Variants in MRC2 observed in about 807,000 individuals in gnomAD.
MRC2 encodes C-type mannose receptor 2.
In MRC2, 84 loss-of-function variants were observed where a neutral mutation model predicts 206.2. The observed-to-expected ratio is 0.41, with a 90% confidence interval of 0.34 to 0.49. The LOEUF is 0.49. Among genes scored for constraint, MRC2 ranks in the 20% least tolerant of loss-of-function variants. The probability of loss-of-function intolerance (pLI) is 0.31; values close to 1 mark genes in which losing one functional copy is unlikely to be tolerated. For synonymous variants in MRC2, 798 were observed against 800.0 expected (o/e 1.00, Z 0.04); for missense variants, 1,676 against 2,001.5 (o/e 0.84, Z 3.10).
intron 1 of MRC2, among the ~76,000 whole-genome samples, chr17:62,643,316 T>A (rs1598969177): frequency 7.2e-5 from 7 of 97,436 alleles, no homozygotes; most frequent in South Asian, 3.5e-4. Context: ...TGACAAAGAG[T>A]GAAACTCCGT....
intron 1 of MRC2, among the ~76,000 whole-genome samples, chr17:62,645,021 G>T (rs141327506): frequency 0.012 from 1,753 of 152,228 alleles, 22 homozygotes; most frequent in Middle Eastern, 0.034. Flanking sequence ...AAAAACAACA[G>T]GACACAAAAT....
intron 1 of MRC2, among the ~76,000 whole-genome samples, chr17:62,628,379 A>G (rs368670642): frequency 1.3e-5 from 2 of 151,618 alleles, no homozygotes; most frequent in Admixed American, 6.6e-5. Context: ...CTTTCCAACT[A>G]TCCGCGAGGG....
chr17:62,681,262 C>A (rs924691961), intron 18 of MRC2, 133 bp downstream of exon 18: 4 of 1,001,782 alleles, frequency 4.0e-6, no homozygotes, highest in Non-Finnish European at 5.8e-6. Flanking sequence ...AGATACTTAA[C>A]CTTTCTGGGC....
chr17:62,683,016 C>T (rs1379422820), intron 20 of MRC2, among the ~76,000 whole-genome samples: 2 of 152,026 alleles, frequency 1.3e-5, no homozygotes, highest in Non-Finnish European at 2.9e-5. Flanking sequence ...CTTACATGAC[C>T]AAACTATGTG....
Position 62,680,094 on chromosome 17 carries a change from G to A in MRC2, c.2299-76G>A, listed in dbSNP as rs2088943388. The A allele has an allele frequency of 2.5e-6, 4 of 1,594,960 alleles. No individual in the cohort carries two copies. The highest frequency in any genetic ancestry group is 3.4e-6 in the Non-Finnish European group (4 of 1,168,458). The stretch of plus-strand genomic sequence containing the variant: ...ATTCGCAGCTCAGGCCAGGCCTCTT[G>A]TTCACCTGTTCCGGGCATGGGGGCG... On this transcript the variant is annotated intron_variant, in intron 14 of 29. Coordinates refer to ENST00000303375, the MANE Select transcript of MRC2 (RefSeq NM_006039.5). The surrounding 1 kb of genome is among the most constrained non-coding windows in gnomAD (Gnocchi z 4.8).
Position 62,691,109 on chromosome 17 carries a change from C to T in MRC2, c.4173C>T (p.Val1391=), listed in dbSNP as rs764740217. Residue 1391 remains valine, a synonymous_variant, in exon 28 of 30, where the codon GTC becomes GTT. Coordinates refer to ENST00000303375, the MANE Select transcript of MRC2 (RefSeq NM_006039.5). Reference sequence around the variant, plus strand: ...CTTGCACCAACATCACCATGGGTGTCGTCTGCAAGCTTCCTCGTGGTGAGC... The same window carrying T: ...CTTGCACCAACATCACCATGGGTGTTGTCTGCAAGCTTCCTCGTGGTGAGC... ...PGACTNITMG[V]VCKLPRAEQS... 3.2e-5 allele frequency: 51 copies of T among 1,607,036 alleles called. No homozygotes were observed. The highest frequency in any genetic ancestry group is 4.0e-5 in the African/African-American group (3 of 74,724).
At chr17:62,673,276 G>C (rs1466387378) in intron 8 of MRC2, among the ~76,000 whole-genome samples, 2 of 152,124 alleles carry the variant, frequency 1.3e-5, no homozygotes, top group East Asian at 3.9e-4. Context: ...GTGGATACTG[G>C]GGAGGGCGAA....
Position 62,627,878 on chromosome 17 carries a change from C to T in MRC2, c.76C>T (p.His26Tyr). The T allele has an allele frequency of 1.4e-6, 2 of 1,474,010 alleles. No individual in the cohort carries two copies. The highest frequency in any genetic ancestry group is 1.8e-6 in the Non-Finnish European group (2 of 1,119,422). The allele number at this position is 1,474,010 out of a possible 1,614,324, so 91.3% of individuals were successfully genotyped here. ...LRCVLLLGCLHLGRPGAPGDA... is the reference protein window; with the variant it reads ...LRCVLLLGCLYLGRPGAPGDA... Reference sequence around the variant, plus strand: ...CTGCGTCCTGCTCCTCGGGTGCCTGCACCTCGGCCGTCCCGGCGCCCCTGG... The same window carrying T: ...CTGCGTCCTGCTCCTCGGGTGCCTGTACCTCGGCCGTCCCGGCGCCCCTGG... The change falls in exon 1 of 30, where the codon CAC becomes TAC. Residue 26 changes from histidine to tyrosine, a missense_variant. By Grantham distance (83) the His-to-Tyr change is moderately conservative. Around this residue, in one of 3 missense-constraint regions of MRC2, gnomAD observed 318 missense variants for 346.7 expected, o/e 0.92. Transcript: ENST00000303375.
chr17:62,681,580 C>T (rs1292795390), intron 18 of MRC2: 3 of 494,002 alleles, frequency 6.1e-6, no homozygotes, highest in Non-Finnish European at 1.1e-5. Context: ...TGCCCTTGGG[C>T]TTCCTGCCCT....
At chr17:62,642,464 T>A (rs2088419033) in intron 1 of MRC2, among the ~76,000 whole-genome samples, 1 of 152,200 alleles carries the variant, frequency 6.6e-6, no homozygotes, top group Non-Finnish European at 1.5e-5. Context: ...TTTCCCTTTT[T>A]CTGAGATGAA....
At chr17:62,678,973 T>G (rs2088927765) in intron 13 of MRC2, among the ~76,000 whole-genome samples, 1 of 151,984 alleles carries the variant, frequency 6.6e-6, no homozygotes, top group South Asian at 2.1e-4. Context: ...ATCTCCCACA[T>G]GCTGGTCCTG....
At chr17:62,641,464 G>A (rs1182259332) in intron 1 of MRC2, among the ~76,000 whole-genome samples, 9 of 152,132 alleles carry the variant, frequency 5.9e-5, no homozygotes, top group Non-Finnish European at 1.3e-4. Flanking sequence ...AGGACTCAAC[G>A]GGAAGCAGCT....
intron 20 of MRC2, among the ~76,000 whole-genome samples, chr17:62,682,641 T>C (rs1276522651): frequency 1.4e-5 from 2 of 140,446 alleles, no homozygotes; most frequent in African/African-American, 2.6e-5. Flanking sequence ...TTGCCAAAGA[T>C]TTTTTTTTTT....
At chr17:62,660,077 A>G (rs962405998) in intron 1 of MRC2, among the ~76,000 whole-genome samples, 1 of 152,198 alleles carries the variant, frequency 6.6e-6, no homozygotes, top group African/African-American at 2.4e-5. Context: ...TCTGGCCAAG[A>G]ATGCTTTTAG....
At chr17:62,679,759 C>A in intron 13 of MRC2, 41 bp from the exon 14 acceptor site, 2 of 1,596,322 alleles carry the variant, frequency 1.3e-6, no homozygotes, top group South Asian at 1.1e-5. Flanking sequence ...GCCCCTCTCA[C>A]TTCCCATCTC....
At chr17:62,677,185 C>T (rs2088903348) in intron 11 of MRC2, 84 bp from the exon 12 acceptor site, 18 of 1,180,322 alleles carry the variant, frequency 1.5e-5, no homozygotes, top group East Asian at 1.3e-4. Flanking sequence ...GTGTGAGGGC[C>T]GTGCTAGTGC....
chr17:62,645,198 T>C (rs2088460327), intron 1 of MRC2, among the ~76,000 whole-genome samples: 1 of 152,096 alleles, frequency 6.6e-6, no homozygotes. Flanking sequence ...CCCATTATCA[T>C]TTACTAACGG....
At chr17:62,643,341 A>G (rs8078585) in intron 1 of MRC2, among the ~76,000 whole-genome samples, 17,419 of 142,820 alleles carry the variant, frequency 0.12, 2,271 homozygotes, top group African/African-American at 0.32. Context: ...AAAAAAAAAA[A>G]AAAAAAGAAA....
Position 62,677,348 on chromosome 17 carries a change from C to G in MRC2, c.1914C>G (p.Phe638Leu). ...GGGAGGTGAAGAACTGTACCTCGTT[C>G]CGGGCCCGCTACATCTGCCGGCAGA... ...GLWEVKNCTSFRARYICRQSL... is the reference protein window; with the variant it reads ...GLWEVKNCTSLRARYICRQSL... Residue 638 changes from phenylalanine (F) to leucine (L), a missense_variant, in exon 12 of 30, where the codon TTC becomes TTG. Transcript: ENST00000303375. The G allele has an allele frequency of 6.2e-7, 1 of 1,609,018 alleles. No homozygotes were observed.
Sources: gnomAD v4.1 joint callset for allele counts (sites outside exome capture counted in the v4.1 genomes callset) on GRCh38, gnomAD v4.1.1 for gene constraint, gnomAD v4.1.1 regional missense constraint, Gnocchi (gnomAD v3.1) non-coding constraint, MANE v1.5 for transcripts, NCBI Gene and HGNC (gene_info 2026-07-23, HGNC 2026-07-21) for gene names.